The following TCAIM variants were observed in gnomAD, a reference collection of about 807,000 sequenced individuals.
The protein encoded by TCAIM is T cell activation inhibitor, mitochondrial.
In TCAIM, 36 loss-of-function variants were observed where a neutral mutation model predicts 58.6. The observed-to-expected ratio is 0.61, with a 90% CI of 0.47 to 0.81. The LOEUF (loss-of-function observed/expected upper bound fraction) is 0.81, where lower values mean the gene tolerates loss of function less well. Ranked by LOEUF, TCAIM falls within the 30% of genes least tolerant of loss-of-function variation. The probability of loss-of-function intolerance (pLI) is 0.00; values close to 1 mark genes in which losing one functional copy is unlikely to be tolerated. For missense variants in TCAIM, 466 were observed against 579.6 expected (o/e 0.80, Z 2.01); for synonymous variants, 172 against 193.6 (o/e 0.89, Z 0.93).
At chr3:44,353,954 C>T (rs1483843726) in intron 1 of TCAIM, among the ~76,000 whole-genome samples, 2 of 152,190 alleles carry the variant, frequency 1.3e-5, no homozygotes, top group Non-Finnish European at 2.9e-5. Context: ...ACCAGTTAAG[C>T]TGGATAGTGC....
intron 3 of TCAIM, chr3:44,358,393 G>A: frequency 1.6e-6 from 1 of 635,388 alleles, no homozygotes; most frequent in Non-Finnish European, 2.7e-6. Context: ...AGAAAATACA[G>A]TCAGTCCTTC....
At chr3:44,366,341 G>T (rs540587211) in intron 4 of TCAIM, among the ~76,000 whole-genome samples, 1 of 151,498 alleles carries the variant, frequency 6.6e-6, no homozygotes, top group Non-Finnish European at 1.5e-5. Context: ...AGGCTAGAGT[G>T]CAGTGGTACA....
chr3:44,405,559 G>C (rs943236421), intron 10 of TCAIM, among the ~76,000 whole-genome samples: 1 of 152,140 alleles, frequency 6.6e-6, no homozygotes, highest in Non-Finnish European at 1.5e-5. Context: ...TGTAGTCTCA[G>C]CTACTTGGGA....
intron 1 of TCAIM, 42 bp from the exon 2 acceptor site, chr3:44,354,689 TACATTTAA>T: frequency 1.5e-6 from 2 of 1,337,162 alleles, no homozygotes; most frequent in Non-Finnish European, 2.1e-6. Context: ...CAATGTGTTT[TACATTTAA>T]AATTCTACTT....
At chr3:44,372,576 A>C (rs762112903) in intron 5 of TCAIM, among the ~76,000 whole-genome samples, 7 of 151,726 alleles carry the variant, frequency 4.6e-5, no homozygotes, top group Non-Finnish European at 7.4e-5. Flanking sequence ...CATTCATTGG[A>C]TCAAAACTTT....
At chr3:44,387,063 C>T (rs570435570) in intron 5 of TCAIM, among the ~76,000 whole-genome samples, 1 of 152,176 alleles carries the variant, frequency 6.6e-6, no homozygotes, top group Non-Finnish European at 1.5e-5. Flanking sequence ...ACATAAAAAC[C>T]CCAAACTCAG....
intron 5 of TCAIM, among the ~76,000 whole-genome samples, chr3:44,372,739 G>A (rs893223881): frequency 2.4e-4 from 36 of 151,776 alleles, no homozygotes; most frequent in African/African-American, 7.0e-4. Context: ...GACTACAGGC[G>A]CCTGCCACCA....
chr3:44,394,960 GTA>G (rs1701911196), intron 6 of TCAIM, among the ~76,000 whole-genome samples: 1 of 71,532 alleles, frequency 1.4e-5, no homozygotes, highest in African/African-American at 5.9e-5. Flanking sequence ...ATATATATAT[GTA>G]TATATCCCAC....
At chr3:44,359,209 C>A in intron 3 of TCAIM, 1 of 398,068 alleles carries the variant, frequency 2.5e-6, no homozygotes, top group Non-Finnish European at 3.4e-6. Context: ...AGTGAGTCCT[C>A]ATCTCCTAAA....
chr3:44,407,795 T>A lies in TCAIM; in HGVS notation c.*113T>A, dbSNP rs1481843317. ...TTTACATAAGAACAAAGTTTCTAAC[T>A]GCTGCTTTAAAAGTAGACTTTTTTA... On this transcript the variant is annotated 3_prime_UTR_variant, in exon 11 of 11. Transcript: ENST00000342649. 4 of 1,143,898 alleles carry A rather than the reference T, an allele frequency of 3.5e-6. No homozygotes were observed. The highest frequency in any genetic ancestry group is 4.7e-6 in the Non-Finnish European group (4 of 848,752). 70.9% of individuals were successfully genotyped at this position (1,143,898 alleles called of 1,614,324 possible).
At chr3:44,370,953 C>T (rs1360180202) in intron 5 of TCAIM, among the ~76,000 whole-genome samples, 3 of 149,626 alleles carry the variant, frequency 2.0e-5, no homozygotes, top group Non-Finnish European at 4.4e-5. Context: ...ACTCTGTTGC[C>T]CAGGCTGGAG....
At chr3:44,372,135 G>A (rs557320105) in intron 5 of TCAIM, among the ~76,000 whole-genome samples, 22 of 152,298 alleles carry the variant, frequency 1.4e-4, no homozygotes, top group Admixed American at 3.9e-4. Context: ...GTTGGTATAC[G>A]CATGTTTGGC....
rs1702119388 is a variant in TCAIM, at chr3:44,407,547, T to C, written c.1356T>C (p.Cys452=). The change falls in exon 11 of 11, where the codon TGT becomes TGC. Residue 452 remains cysteine, a synonymous_variant. Transcript: ENST00000342649. The part of the protein sequence containing the change: ...PSISSIQMVD[C]CKRLLEQSLP... ...TTTCTAGTATACAAATGGTGGATTG[T>C]TGTAAGAGACTTCTAGAACAATCAC... 1 of 1,613,926 alleles carries C rather than the reference T, an allele frequency of 6.2e-7. No homozygotes were observed. Among genetic ancestry groups the C allele is most frequent in the South Asian group, 1.1e-5 (1 of 91,008 alleles).
At chr3:44,404,630 C>G (rs1046788038) in intron 10 of TCAIM, among the ~76,000 whole-genome samples, 1 of 152,062 alleles carries the variant, frequency 6.6e-6, no homozygotes, top group African/African-American at 2.4e-5. Context: ...TGTCCCTGCC[C>G]TAGTAAGACA....
intron 10 of TCAIM, among the ~76,000 whole-genome samples, chr3:44,402,001 C>A (rs1175999559): frequency 6.6e-6 from 1 of 152,072 alleles, no homozygotes; most frequent in Non-Finnish European, 1.5e-5. Flanking sequence ...CCACTGCACT[C>A]CAGCCTGAAT....
intron 4 of TCAIM, among the ~76,000 whole-genome samples, chr3:44,365,546 T>C (rs564660511): frequency 2.7e-4 from 41 of 152,290 alleles, no homozygotes; most frequent in African/African-American, 9.9e-4. Context: ...CAGGCTGGTC[T>C]CCAACTCCTG....
At chr3:44,365,290 C>G (rs536738574) in intron 4 of TCAIM, among the ~76,000 whole-genome samples, 189 of 151,950 alleles carry the variant, frequency 1.2e-3, no homozygotes, top group African/African-American at 4.3e-3. Flanking sequence ...ATGTGTATCT[C>G]TGACAATGAT....
intron 3 of TCAIM, chr3:44,358,917 T>C: frequency 1.0e-6 from 1 of 985,416 alleles, no homozygotes; most frequent in Non-Finnish European, 1.2e-6. Context: ...TTATGATATG[T>C]GATATGTTGG....
intron 8 of TCAIM, 100 bp from the exon 9 acceptor site, chr3:44,400,255 T>G: frequency 1.1e-6 from 1 of 921,356 alleles, no homozygotes; most frequent in Non-Finnish European, 1.6e-6. Flanking sequence ...AAAATCATTT[T>G]CTTGTTAAAA....
Sources: allele counts gnomAD v4.1 joint callset (sites outside exome capture counted in the v4.1 genomes callset), GRCh38; gene constraint gnomAD v4.1.1; transcripts MANE v1.5; gene names NCBI Gene and HGNC (gene_info 2026-07-23, HGNC 2026-07-21).